The following ATP2C2 variants were observed in gnomAD, a reference collection of about 807,000 sequenced individuals.
ATP2C2 encodes the protein calcium-transporting ATPase type 2C member 2.
Under a neutral mutation model 110.8 loss-of-function variants are expected in ATP2C2, and 171 were observed. The ratio of observed to expected loss-of-function variants is 1.54; its 90% CI spans 1.36 to 1.75. The LOEUF is 1.75. Ranked by LOEUF, ATP2C2 falls within the 40% of genes most tolerant of loss-of-function variation. ATP2C2 has a pLI of 0.00. For missense variants in ATP2C2, 1,963 were observed against 1,235.0 expected, an observed-to-expected ratio of 1.59 and a Z score of -8.84; for synonymous variants, 804 against 508.4, an observed-to-expected ratio of 1.58 and a Z score of -7.82.
chr16:84,429,378 C>A (rs11641410), intron 11 of ATP2C2, among the ~76,000 whole-genome samples: 1 of 152,040 alleles, frequency 6.6e-6, no homozygotes, highest in African/African-American at 2.4e-5. Flanking sequence ...GTCTTGAACT[C>A]CTGACCTCAG....
chr16:84,383,236 CTG>C (rs1910688543), intron 1 of ATP2C2, among the ~76,000 whole-genome samples: 1 of 152,210 alleles, frequency 6.6e-6, no homozygotes. Flanking sequence ...GGAGGCCCAG[CTG>C]TGTGTCTAGA....
At chr16:84,401,912 G>C (rs1443504603) in intron 2 of ATP2C2, among the ~76,000 whole-genome samples, 1 of 151,664 alleles carries the variant, frequency 6.6e-6, no homozygotes, top group East Asian at 1.9e-4. Context: ...TCTATAGATT[G>C]CTTTGGGTAG....
intron 6 of ATP2C2, among the ~76,000 whole-genome samples, chr16:84,412,861 C>G (rs553939871): frequency 6.6e-6 from 1 of 151,918 alleles, no homozygotes; most frequent in Non-Finnish European, 1.5e-5. Flanking sequence ...TTTGGGAGGC[C>G]GAGGTAGGCA....
intron 1 of ATP2C2, among the ~76,000 whole-genome samples, chr16:84,386,746 C>T (rs1003952900): frequency 2.6e-5 from 4 of 152,068 alleles, no homozygotes; most frequent in African/African-American, 4.8e-5. Context: ...ATGCTAGGTG[C>T]GAGGTATCAT....
intron 1 of ATP2C2, among the ~76,000 whole-genome samples, chr16:84,398,288 C>G (rs1905111953): frequency 6.6e-6 from 1 of 151,954 alleles, no homozygotes; most frequent in Admixed American, 6.6e-5. Context: ...TACCTGTAAT[C>G]CCAGCTACTC....
intron 1 of ATP2C2, among the ~76,000 whole-genome samples, chr16:84,397,670 A>AAAAAAAAAAAAAAAC (rs1555553736): frequency 2.7e-5 from 4 of 145,792 alleles, no homozygotes; most frequent in African/African-American, 5.0e-5. Flanking sequence ...AAAAAAAAAA[A>AAAAAAAAAAAAAAAC]AAACTTGCTT....
chr16:84,456,460 C>G (rs1321735954), intron 21 of ATP2C2, among the ~76,000 whole-genome samples: 1 of 143,712 alleles, frequency 7.0e-6, no homozygotes, highest in South Asian at 2.4e-4. Context: ...CTCACCGCTC[C>G]TATTCAACAT....
intron 7 of ATP2C2, among the ~76,000 whole-genome samples, chr16:84,419,602 A>T (rs1253769811): frequency 1.3e-5 from 2 of 151,390 alleles, no homozygotes; most frequent in Non-Finnish European, 1.5e-5. Flanking sequence ...GTTACTCAGC[A>T]GGCCACACTG....
intron 1 of ATP2C2, among the ~76,000 whole-genome samples, chr16:84,385,779 AACTC>A (rs1386425375): frequency 6.6e-6 from 1 of 152,168 alleles, no homozygotes; most frequent in African/African-American, 2.4e-5. Flanking sequence ...ATCTTGTGAG[AACTC>A]ACTCACTATC....
At chr16:84,398,777 T>A (rs1905142307) in intron 2 of ATP2C2, among the ~76,000 whole-genome samples, 168 bp downstream of exon 2, 1 of 152,228 alleles carries the variant, frequency 6.6e-6, no homozygotes, top group Non-Finnish European at 1.5e-5. Flanking sequence ...ACAGGTAGAA[T>A]ATCAGTACTT....
At chr16:84,413,696 C>T (rs1300002593) in intron 6 of ATP2C2, among the ~76,000 whole-genome samples, 1 of 152,144 alleles carries the variant, frequency 6.6e-6, no homozygotes. Flanking sequence ...CGGTGTCGGG[C>T]AGCCCAGTAG....
Position 84,463,581 on chromosome 16 carries a change from G to T in ATP2C2, c.2723-33G>T, listed in dbSNP as rs368738313. 55 of 1,579,380 alleles carry T rather than the reference G, an allele frequency of 3.5e-5. No individual in the cohort carries two copies. The African/African-American group carries it at 5.5e-4, about 16-fold the overall frequency. On this transcript the variant is annotated intron_variant, in intron 26 of 26. Transcript: ENST00000262429. Reference sequence around the variant, plus strand: ...TGCCGGCGCAACAGAGCTGCAGCCCGTCCTGAATCTTTTCTGTTTTCTCCC... The same window carrying T: ...TGCCGGCGCAACAGAGCTGCAGCCCTTCCTGAATCTTTTCTGTTTTCTCCC...
At chr16:84,378,132 G>C (rs187205818) in intron 1 of ATP2C2, among the ~76,000 whole-genome samples, 48 of 152,284 alleles carry the variant, frequency 3.2e-4, no homozygotes, top group African/African-American at 1.1e-3. Flanking sequence ...ACTTTCCTAA[G>C]CCAAACCAAG....
chr16:84,388,063 G>T (rs969787806), intron 1 of ATP2C2, among the ~76,000 whole-genome samples: 1 of 152,146 alleles, frequency 6.6e-6, no homozygotes, highest in African/African-American at 2.4e-5. Context: ...CAGGTGCAGT[G>T]GCTCACGCCT....
rs1031667877 is a variant in ATP2C2 at position 84,461,565 on chromosome 16, C to T, written c.2482-149C>T. The T allele has an allele frequency of 3.4e-5, 25 of 746,178 alleles. No individual in the cohort carries two copies. In the African/African-American group the frequency reaches 3.4e-4, roughly 10 times the overall value. The allele number at this position is 746,178 out of a possible 1,614,324, so 46.2% of individuals were successfully genotyped here. A position where few individuals can be genotyped will look rare whatever the true frequency, so the allele number is the denominator to read the frequency against. ...CCTGGGGTAGCAGCCACTGACCTCA[C>T]ACCTGGAGGAAGCTGTGTGACCGAT... On this transcript the variant is annotated intron_variant, in intron 24 of 26. Transcript: ENST00000262429.
intron 15 of ATP2C2, among the ~76,000 whole-genome samples, chr16:84,444,623 A>G (rs974437421): frequency 6.6e-6 from 1 of 152,244 alleles, no homozygotes; most frequent in African/African-American, 2.4e-5. Flanking sequence ...CTCGCCGCCC[A>G]GAAGGGAAGG....
chr16:84,382,402 C>T (rs1348406433), intron 1 of ATP2C2, among the ~76,000 whole-genome samples: 1 of 152,190 alleles, frequency 6.6e-6, no homozygotes, highest in East Asian at 1.9e-4. Flanking sequence ...GCTTCAAATA[C>T]ATTCTTCACA....
At chr16:84,418,918 G>A (rs1303184121) in intron 7 of ATP2C2, among the ~76,000 whole-genome samples, 2 of 152,128 alleles carry the variant, frequency 1.3e-5, no homozygotes, top group Non-Finnish European at 2.9e-5. Context: ...AATCAACAGT[G>A]CTAACAGGGT....
Position 84,460,741 on chromosome 16 carries a change from G to T in ATP2C2, c.2421G>T (p.Leu807=). Residue 807 remains leucine, a synonymous_variant, in exon 24 of 27, where the codon CTG becomes CTT. Coordinates refer to ENST00000262429, the MANE Select transcript of ATP2C2 (RefSeq NM_014861.4). ...CCATCCTCAGCAGAGCCCTCATCCT[G>T]AAGATCCTCATGTCCGCGGCCATCA... ...RDTILSRALI[L]KILMSAAIII... The T allele has an allele frequency of 1.2e-6, 2 of 1,614,162 alleles. No individual in the cohort carries two copies. Among genetic ancestry groups the T allele is most frequent in the Non-Finnish European group, 1.7e-6 (2 of 1,180,010 alleles).
Sources: allele counts gnomAD v4.1 joint callset (sites outside exome capture counted in the v4.1 genomes callset), GRCh38; gene constraint gnomAD v4.1.1; transcripts MANE v1.5; gene names NCBI Gene and HGNC (gene_info 2026-07-23, HGNC 2026-07-21).